TG: variants seen among roughly 807,000 people sequenced by gnomAD.
TG encodes the protein thyroglobulin.
A neutral mutation model predicts 324.7 loss-of-function variants in TG; 270 were observed. The observed-to-expected ratio is 0.83, with a 90% CI of 0.75 to 0.92. TG has a LOEUF of 0.92. Among genes scored for constraint, TG ranks in the 40% least tolerant of loss-of-function variants. The pLI is 0.00. For synonymous variants in TG, 1,401 were observed against 1,327.0 expected, an observed-to-expected ratio of 1.06 and a Z score of -1.21; for missense variants, 3,591 against 3,456.4, an observed-to-expected ratio of 1.04 and a Z score of -0.98.
intron 35 of TG, chr8:132,988,621 C>T: frequency 2.5e-6 from 2 of 804,316 alleles, no homozygotes; most frequent in South Asian, 1.1e-4. Flanking sequence ...TAGTTGTACT[C>T]TCTTTGGATA....
chr8:132,917,517 G>A (rs1820509822), intron 20 of TG, among the ~76,000 whole-genome samples: 1 of 152,086 alleles, frequency 6.6e-6, no homozygotes, highest in African/African-American at 2.4e-5. Context: ...CTCATAATTT[G>A]TACAGCTGGG....
chr8:133,063,327 C>T (rs1056227240), intron 41 of TG, among the ~76,000 whole-genome samples: 1 of 151,200 alleles, frequency 6.6e-6, no homozygotes, highest in African/African-American at 2.4e-5. Flanking sequence ...AAGCAGCAGG[C>T]TCCCACCACA....
At chr8:132,898,433 T>C (rs1817438876) in intron 13 of TG, among the ~76,000 whole-genome samples, 187 bp downstream of exon 13, 1 of 152,186 alleles carries the variant, frequency 6.6e-6, no homozygotes, top group Admixed American at 6.5e-5. Context: ...ACTTCCTAGT[T>C]GGAAGGCTCC....
chr8:133,133,374 G>A, intron 46 of TG, 96 bp from the exon 47 acceptor site: 1 of 1,240,476 alleles, frequency 8.1e-7, no homozygotes, highest in Non-Finnish European at 1.2e-6. Flanking sequence ...TACATGAATT[G>A]TCCCTCAGAT....
chr8:132,948,815 T>C lies in TG; in HGVS notation c.5273T>C (p.Leu1758Pro). 4 of 1,614,080 alleles carry C rather than the reference T, an allele frequency of 2.5e-6. No homozygotes were observed. The South Asian group carries it at 4.4e-5, about 18-fold the overall frequency. The change falls in exon 27 of 48, where the codon CTG becomes CCG. Residue 1758 changes from leucine (L) to proline (P), a missense_variant. Leu to Pro is a moderately conservative substitution (Grantham distance 98, BLOSUM62 -3). Coordinates refer to ENST00000220616, the MANE Select transcript of TG (RefSeq NM_003235.5). The part of the protein sequence containing the change: ...ICGLLSSPSV[L>P]LCNVKDWMDP... ...GGGTTGCTGAGCTCACCCAGTGTCC[T>C]GCTTTGTAATGTCAAAGACTGGATG...
At chr8:133,130,827 G>A (rs930472508) in intron 45 of TG, among the ~76,000 whole-genome samples, 1 of 152,132 alleles carries the variant, frequency 6.6e-6, no homozygotes, top group African/African-American at 2.4e-5. Context: ...TTCCAGAAGC[G>A]CCTCCCGAGA....
At chr8:132,960,243 C>CTAA (rs1308404959) in intron 27 of TG, among the ~76,000 whole-genome samples, 2 of 152,140 alleles carry the variant, frequency 1.3e-5, no homozygotes, top group Non-Finnish European at 2.9e-5. Flanking sequence ...AGACTAGCTC[C>CTAA]TAATAATAAT....
chr8:133,016,851 C>A (rs540866220), intron 37 of TG, among the ~76,000 whole-genome samples: 1 of 152,150 alleles, frequency 6.6e-6, no homozygotes, highest in Non-Finnish European at 1.5e-5. Flanking sequence ...AAAATGTCGT[C>A]GAGGAAACAA....
chr8:132,907,192 A>G (rs1025644361), intron 17 of TG, among the ~76,000 whole-genome samples: 1 of 152,096 alleles, frequency 6.6e-6, no homozygotes, highest in African/African-American at 2.4e-5. Flanking sequence ...GATTCAGGAA[A>G]AATACTGGGC....
At chr8:132,992,021 A>T (rs932523745) in intron 35 of TG, among the ~76,000 whole-genome samples, 6 of 152,160 alleles carry the variant, frequency 3.9e-5, no homozygotes, top group African/African-American at 1.4e-4. Flanking sequence ...CCACAGGTGC[A>T]GGAGGGAGCC....
chr8:133,058,236 C>T (rs959185113), intron 41 of TG, among the ~76,000 whole-genome samples: 1 of 152,094 alleles, frequency 6.6e-6, no homozygotes, highest in Non-Finnish European at 1.5e-5. Flanking sequence ...ATCGGGGGAA[C>T]GTTTCAGGGC....
At chr8:133,113,894 A>C (rs1301611361) in intron 44 of TG, among the ~76,000 whole-genome samples, 3 of 152,188 alleles carry the variant, frequency 2.0e-5, no homozygotes, top group Non-Finnish European at 4.4e-5. Flanking sequence ...GAGACGAAGC[A>C]CTTGCCAGAA....
intron 33 of TG, chr8:132,972,163 G>T (rs964519034): frequency 2.1e-6 from 1 of 477,240 alleles, no homozygotes; most frequent in South Asian, 2.1e-5. Context: ...AAGCAGCTTG[G>T]CGAACTTTGG....
intron 41 of TG, among the ~76,000 whole-genome samples, chr8:133,089,267 C>T (rs1209615964): frequency 6.6e-6 from 1 of 152,238 alleles, no homozygotes; most frequent in African/African-American, 2.4e-5. Flanking sequence ...TGGTGTTCCA[C>T]ACCTTGTGCT....
chr8:132,963,760 G>A (rs1012038512), intron 29 of TG, among the ~76,000 whole-genome samples: 3 of 151,616 alleles, frequency 2.0e-5, no homozygotes, highest in African/African-American at 7.3e-5. Context: ...AAAGAAGGAA[G>A]GAGAAGGGAA....
At chr8:132,896,911 G>A (rs1817199650) in intron 11 of TG, among the ~76,000 whole-genome samples, 1 of 152,198 alleles carries the variant, frequency 6.6e-6, no homozygotes, top group South Asian at 2.1e-4. Flanking sequence ...GTCGGGGACT[G>A]CAAGAGCTGA....
chr8:133,069,809 C>T (rs1214209229), intron 41 of TG, among the ~76,000 whole-genome samples: 4 of 151,602 alleles, frequency 2.6e-5, no homozygotes, highest in East Asian at 1.9e-4. Flanking sequence ...AAGACCAGCC[C>T]GGCCAACATG....
intron 41 of TG, 32 bp downstream of exon 41, chr8:133,030,055 C>G: frequency 6.2e-7 from 1 of 1,613,616 alleles, no homozygotes; most frequent in Non-Finnish European, 8.5e-7. Context: ...TTCAGTCTTA[C>G]TGCAGATGCG....
At chr8:133,109,410 G>A (rs1213525271) in intron 43 of TG, among the ~76,000 whole-genome samples, 1 of 152,192 alleles carries the variant, frequency 6.6e-6, no homozygotes, top group Admixed American at 6.5e-5. Flanking sequence ...GTTTAGGCAG[G>A]AGGAACAGCA....
Sources: gnomAD v4.1 joint callset for allele counts (sites outside exome capture counted in the v4.1 genomes callset) on GRCh38, gnomAD v4.1.1 for gene constraint, MANE v1.5 for transcripts, NCBI Gene and HGNC (gene_info 2026-07-23, HGNC 2026-07-21) for gene names.